The following SPNS3 variants were observed in gnomAD, a reference collection of about 807,000 sequenced individuals.
SPNS3 encodes the protein SPNS lysolipid transporter 3, sphingosine-1-phosphate (putative), also known as protein spinster homolog 3.
SPNS3 carries 51 observed loss-of-function variants against 54.4 expected under a neutral mutation model. That is an observed-to-expected ratio of 0.94 (90% CI 0.75 to 1.18). The LOEUF is 1.18. Ranked by LOEUF, SPNS3 falls within the 50% of genes most tolerant of loss-of-function variation. The pLI is 0.00. For synonymous variants in SPNS3, 309 were observed against 294.7 expected (o/e 1.05, Z -0.50); for missense variants, 669 against 677.4 (o/e 0.99, Z 0.14).
At chr17:4,462,140 T>A (rs7502585) in intron 8 of SPNS3, among the ~76,000 whole-genome samples, 7 of 14,352 alleles carry the variant, frequency 4.9e-4, no homozygotes, top group African/African-American at 1.2e-3. Context: ...CATCCATCCA[T>A]CCATCCATCC....
At chr17:4,452,352 C>A (rs542618270) in intron 7 of SPNS3, among the ~76,000 whole-genome samples, 2 of 151,998 alleles carry the variant, frequency 1.3e-5, no homozygotes, top group South Asian at 2.1e-4. Context: ...TCCTGGGGAG[C>A]CTTTGTGGAG....
chr17:4,449,238 G>T lies in SPNS3; in HGVS notation c.774G>T (p.Trp258Cys). The change falls in exon 7 of 12, where the codon TGG becomes TGT. Residue 258 changes from tryptophan (W) to cysteine (C), a missense_variant. Coordinates refer to ENST00000355530, the MANE Select transcript of SPNS3 (RefSeq NM_182538.5). ...GCTGGGGCACCTCGTCTTGCAGCTG[G>T]AGTTTCGTGTGGTCGACCCTCGGAG... Reference protein sequence around the residue: ...CEDVRYLGKNWSFVWSTLGVT... With the variant: ...CEDVRYLGKNCSFVWSTLGVT... The T allele has an allele frequency of 6.2e-7, 1 of 1,610,640 alleles. No homozygotes were observed.
intron 8 of SPNS3, among the ~76,000 whole-genome samples, chr17:4,473,148 T>A (rs1971903451): frequency 6.6e-6 from 1 of 151,686 alleles, no homozygotes; most frequent in Non-Finnish European, 1.5e-5. Context: ...AAAAATCACT[T>A]TTTTCTGGCT....
chr17:4,464,388 T>C (rs1178636648), intron 8 of SPNS3, among the ~76,000 whole-genome samples: 1 of 152,226 alleles, frequency 6.6e-6, no homozygotes, highest in Non-Finnish European at 1.5e-5. Context: ...GGGCCTCCAC[T>C]GTCACTGACC....
chr17:4,472,353 C>G (rs888341145), intron 8 of SPNS3, among the ~76,000 whole-genome samples: 7 of 152,186 alleles, frequency 4.6e-5, no homozygotes, highest in Admixed American at 2.0e-4. Flanking sequence ...TGTGACCATT[C>G]CATTGTCCAA....
intron 8 of SPNS3, among the ~76,000 whole-genome samples, chr17:4,454,110 C>T (rs1381662915): frequency 6.6e-6 from 1 of 152,244 alleles, no homozygotes; most frequent in African/African-American, 2.4e-5. Flanking sequence ...ACCACTCTAT[C>T]CTCACACCAG....
At chr17:4,469,189 G>T (rs888830080) in intron 8 of SPNS3, among the ~76,000 whole-genome samples, 1 of 152,108 alleles carries the variant, frequency 6.6e-6, no homozygotes, top group Non-Finnish European at 1.5e-5. Flanking sequence ...GGCTCAAGTG[G>T]ATCCTCCCAC....
intron 5 of SPNS3, 112 bp downstream of exon 5, chr17:4,447,074 G>T (rs900631371): frequency 2.1e-6 from 2 of 948,250 alleles, no homozygotes; most frequent in African/African-American, 3.8e-5. Flanking sequence ...TTAGGGGGAC[G>T]GGGGGTGGTG....
chr17:4,446,423 G>A (rs1394977606), intron 4 of SPNS3, among the ~76,000 whole-genome samples: 1 of 152,208 alleles, frequency 6.6e-6, no homozygotes, highest in Non-Finnish European at 1.5e-5. Context: ...AGGAATAGAG[G>A]TGATGAGGAT....
In SPNS3 at chr17:4,483,183, G is replaced by A. The variant is rs1485024146; in HGVS notation, c.1180-3045G>A. On this transcript the variant is annotated intron_variant, in intron 9 of 11. Transcript: ENST00000355530. This position sits in a 1 kb window ranked among gnomAD's most constrained non-coding sequence, Gnocchi z 4.2. The stretch of plus-strand genomic sequence containing the variant: ...GCCTGGGTGGGGGTGCAGGAGGCAG[G>A]CTGCCTGGTGGCTGCTGCTCCGACT... 6.6e-6 allele frequency among the ~76,000 whole-genome samples: 1 copy of A among 152,224 alleles called. No individual in the cohort carries two copies. Among genetic ancestry groups the A allele is most frequent in the Non-Finnish European group, 1.5e-5 (1 of 68,036 alleles).
intron 8 of SPNS3, among the ~76,000 whole-genome samples, chr17:4,474,720 G>C (rs527515983): frequency 6.6e-6 from 1 of 152,334 alleles, no homozygotes; most frequent in Admixed American, 6.5e-5. Context: ...ATGTGTGTGT[G>C]TGTGAGAGCA....
intron 8 of SPNS3, among the ~76,000 whole-genome samples, chr17:4,472,491 T>A (rs758864337): frequency 6.6e-6 from 1 of 152,194 alleles, no homozygotes; most frequent in Non-Finnish European, 1.5e-5. Flanking sequence ...GGGATTCAGG[T>A]AAATGCTCTA....
Position 4,473,774 on chromosome 17 carries a change from G to A in SPNS3, c.1114-4798G>A, listed in dbSNP as rs190837676. Reference sequence around the variant, plus strand: ...CTGGTGTCCACAGGGGAGCTTGCAGGGTGGTTGGCAGAGATCAGCCAGGAC... The same window carrying A: ...CTGGTGTCCACAGGGGAGCTTGCAGAGTGGTTGGCAGAGATCAGCCAGGAC... On this transcript the variant is annotated intron_variant, in intron 8 of 11. Coordinates refer to ENST00000355530, the MANE Select transcript of SPNS3 (RefSeq NM_182538.5). Among the ~76,000 whole-genome samples the A allele has an allele frequency of 2.5e-3, 383 of 152,264 alleles. 2 individuals are homozygous for A. Among genetic ancestry groups the A allele is most frequent in the Non-Finnish European group, 4.4e-3 (298 of 68,032 alleles).
intron 6 of SPNS3, 120 bp from the exon 7 acceptor site, chr17:4,449,115 T>C (rs1971084528): frequency 1.7e-6 from 2 of 1,169,788 alleles, no homozygotes; most frequent in African/African-American, 1.6e-5. Flanking sequence ...ACCTATGGAA[T>C]CTTGAAGGTA....
At chr17:4,470,955 G>A (rs1971838249) in intron 8 of SPNS3, among the ~76,000 whole-genome samples, 2 of 151,814 alleles carry the variant, frequency 1.3e-5, no homozygotes, top group Admixed American at 6.6e-5. Context: ...ACACAGTTTC[G>A]CTCTTGTTGC....
At chr17:4,461,611 C>A (rs932287567) in intron 8 of SPNS3, among the ~76,000 whole-genome samples, 1 of 151,806 alleles carries the variant, frequency 6.6e-6, no homozygotes, top group South Asian at 2.1e-4. Flanking sequence ...TGAGATGATG[C>A]GGTTTGAACC....
At chr17:4,477,570 G>C (rs996535384) in intron 8 of SPNS3, among the ~76,000 whole-genome samples, 1 of 152,178 alleles carries the variant, frequency 6.6e-6, no homozygotes, top group African/African-American at 2.4e-5. Context: ...CCCTTGGCAC[G>C]AGGTGAAGGC....
chr17:4,486,044 T>C lies in SPNS3; in HGVS notation c.1180-184T>C. ...CCCATCCTGGGGCACTGGGGAAGCT[T>C]CAGATGGGCTTGATGTCTTGATGTT... On this transcript the variant is annotated intron_variant, in intron 9 of 11. Coordinates refer to ENST00000355530, the MANE Select transcript of SPNS3 (RefSeq NM_182538.5). The surrounding 1 kb of genome is among the most constrained non-coding windows in gnomAD (Gnocchi z 5.5). The C allele has an allele frequency of 2.0e-6, 1 of 504,876 alleles. No individual in the cohort carries two copies. The highest frequency in any genetic ancestry group is 3.4e-6 in the Non-Finnish European group (1 of 294,628). The allele number at this position is 504,876 out of a possible 1,614,324, so 31.3% of individuals were successfully genotyped here.
intron 9 of SPNS3, chr17:4,481,884 CTCTTT>C (rs1972160240): frequency 2.2e-5 from 1 of 45,800 alleles, no homozygotes; most frequent in Non-Finnish European, 3.5e-5. Flanking sequence ...CTCTCTCTCT[CTCTTT>C]TTTTTTTTTT....
Sources: allele counts gnomAD v4.1 joint callset (sites outside exome capture counted in the v4.1 genomes callset), GRCh38; gene constraint gnomAD v4.1.1; non-coding constraint Gnocchi (gnomAD v3.1); transcripts MANE v1.5; gene names NCBI Gene and HGNC (gene_info 2026-07-23, HGNC 2026-07-21).